MID1: variants seen among roughly 807,000 people sequenced by gnomAD.
The protein encoded by MID1 is E3 ubiquitin-protein ligase Midline-1.
MID1 carries 7 observed loss-of-function variants against 40.4 expected under a neutral mutation model. That is an observed-to-expected ratio of 0.17 (90% CI 0.10 to 0.33). MID1 has a LOEUF of 0.33. MID1 is among the 10% of genes least tolerant of loss of function. The pLI, the probability that MID1 is intolerant of heterozygous loss-of-function variation, is 1.00. For synonymous variants in MID1, 229 were observed against 221.2 expected, an observed-to-expected ratio of 1.04 and a Z score of -0.31; for missense variants, 367 against 558.5, an observed-to-expected ratio of 0.66 and a Z score of 3.46.
intron 1 of MID1, among the ~76,000 whole-genome samples, chrX:10,695,626 C>A (rs2043158200): frequency 8.9e-6 from 1 of 112,139 alleles, no homozygotes; most frequent in Admixed American, 9.5e-5. Flanking sequence ...CCATTTCCCA[C>A]ATGGTGTGGC....
chrX:10,819,947 A>G (rs1205146305), intron 1 of MID1, among the ~76,000 whole-genome samples: 1 of 111,888 alleles, frequency 8.9e-6, no homozygotes, highest in Non-Finnish European at 1.9e-5. Flanking sequence ...TCATTATACC[A>G]TATGCCAATC....
chrX:10,547,224 A>T, intron 2 of MID1, among the ~76,000 whole-genome samples: 1 of 111,042 alleles, frequency 9.0e-6, no homozygotes, highest in South Asian at 3.8e-4. Flanking sequence ...GCAGTGAGCC[A>T]TGATTGCACT....
intron 1 of MID1, among the ~76,000 whole-genome samples, chrX:10,832,049 C>T (rs1420729344): frequency 8.9e-6 from 1 of 112,529 alleles, no homozygotes; most frequent in Non-Finnish European, 1.9e-5. Flanking sequence ...TGTCAAGACT[C>T]ATATTTTTCT....
chrX:10,662,423 G>A (rs1205157133), intron 1 of MID1, among the ~76,000 whole-genome samples: 1 of 110,351 alleles, frequency 9.1e-6, no homozygotes, highest in East Asian at 2.8e-4. Context: ...CATGAGTGAA[G>A]CTGAGATTTA....
At chrX:10,478,385 G>GTT (rs759444734) in intron 5 of MID1, among the ~76,000 whole-genome samples, 2 of 111,953 alleles carry the variant, frequency 1.8e-5, no homozygotes, top group African/African-American at 6.5e-5. Flanking sequence ...CTAGGCTAAT[G>GTT]TTTTTACTAC....
chrX:10,703,971 T>C (rs2043209351), intron 1 of MID1, among the ~76,000 whole-genome samples: 1 of 112,581 alleles, frequency 8.9e-6, no homozygotes, highest in African/African-American at 3.2e-5. Context: ...TTTATCCTAA[T>C]ATAAATATCT....
chrX:10,601,115 G>C (rs1303539296), intron 1 of MID1, among the ~76,000 whole-genome samples: 1 of 112,485 alleles, frequency 8.9e-6, no homozygotes, highest in African/African-American at 3.2e-5. Flanking sequence ...TAAAAAAGTT[G>C]AGTGTTATAA....
intron 1 of MID1, among the ~76,000 whole-genome samples, chrX:10,728,638 C>A (rs1481411871): frequency 8.9e-6 from 1 of 112,034 alleles, no homozygotes; most frequent in Non-Finnish European, 1.9e-5. Flanking sequence ...GGAATGAGAT[C>A]CGTTGGAAAG....
chrX:10,602,622 A>C (rs1318666071), intron 1 of MID1, among the ~76,000 whole-genome samples: 6 of 112,054 alleles, frequency 5.4e-5, no homozygotes, highest in Admixed American at 9.5e-5. Context: ...TTTTTAAAAA[A>C]CCTTTTCACT....
chrX:10,754,605 A>G (rs2043620842), intron 1 of MID1, among the ~76,000 whole-genome samples: 2 of 111,230 alleles, frequency 1.8e-5, no homozygotes, highest in Admixed American at 1.9e-4. Flanking sequence ...ACTGAGATCA[A>G]TTAAGCCTTC....
At chrX:10,806,981 C>T (rs1466016632) in intron 1 of MID1, among the ~76,000 whole-genome samples, 4 of 112,146 alleles carry the variant, frequency 3.6e-5, no homozygotes, top group East Asian at 2.8e-4. Flanking sequence ...CAGTAGCTCA[C>T]GCCTGTAATC....
At chrX:10,474,794 T>C in intron 5 of MID1, 44 bp from the exon 6 acceptor site, 1 of 1,172,240 alleles carries the variant, frequency 8.5e-7, no homozygotes, top group Non-Finnish European at 1.2e-6. Context: ...TCAAGATGAC[T>C]TTCAACATCA....
Position 10,572,153 on chromosome X carries a change from TTCTC to T in MID1, c.-56-4554_-56-4551del, listed in dbSNP as rs202217291. On this transcript the variant is annotated intron_variant, in intron 1 of 9. Transcript: ENST00000317552. ...TTTCTCTCTCCCTTTCTCTCTCTCT[TTCTC>T]TCTCTCTCTCTATATATATATGTAT... 2.4e-3 allele frequency among the ~76,000 whole-genome samples: 204 copies of T among 84,693 alleles called. 1 individual carries two copies. Among genetic ancestry groups the T allele is most frequent in the African/African-American group, 9.3e-3 (192 of 20,563 alleles). The allele number at this position is 84,693 out of a possible 115,157, so 73.5% of individuals were successfully genotyped here. A position where few individuals can be genotyped will look rare whatever the true frequency, so the allele number is the denominator to read the frequency against.
intron 1 of MID1, among the ~76,000 whole-genome samples, chrX:10,650,725 G>T (rs745791857): frequency 8.9e-6 from 1 of 111,777 alleles, no homozygotes; most frequent in African/African-American, 3.3e-5. Context: ...TTGGGATATT[G>T]GGCATTCAGT....
chrX:10,667,903 G>A (rs2042960762), intron 1 of MID1, among the ~76,000 whole-genome samples: 2 of 112,117 alleles, frequency 1.8e-5, no homozygotes, highest in Non-Finnish European at 3.8e-5. Context: ...TTGCAGGAAA[G>A]TAAGCCCCTA....
chrX:10,815,957 G>C (rs1008323254), intron 1 of MID1, among the ~76,000 whole-genome samples: 28 of 111,335 alleles, frequency 2.5e-4, no homozygotes, highest in Admixed American at 1.9e-4. Flanking sequence ...TGCTGCAGAG[G>C]GAGGTCTGTG....
intron 1 of MID1, among the ~76,000 whole-genome samples, chrX:10,762,051 G>A (rs1268418374): frequency 8.9e-6 from 1 of 111,760 alleles, no homozygotes; most frequent in Non-Finnish European, 1.9e-5. Flanking sequence ...TTGCACATCT[G>A]TAAAACAATA....
At chrX:10,499,782 C>T (rs940892455) in intron 3 of MID1, among the ~76,000 whole-genome samples, 1 of 112,197 alleles carries the variant, frequency 8.9e-6, no homozygotes, top group African/African-American at 3.2e-5. Flanking sequence ...TAACATATTC[C>T]ACACTTCAAG....
At chrX:10,538,953 T>C (rs1459827529) in intron 2 of MID1, among the ~76,000 whole-genome samples, 1 of 112,390 alleles carries the variant, frequency 8.9e-6, no homozygotes, top group Non-Finnish European at 1.9e-5. Flanking sequence ...AAGACATCAA[T>C]GCATATTTAA....
Sources: gnomAD v4.1 joint callset for allele counts (sites outside exome capture counted in the v4.1 genomes callset) on GRCh38, gnomAD v4.1.1 for gene constraint, MANE v1.5 for transcripts, NCBI Gene and HGNC (gene_info 2026-07-23, HGNC 2026-07-21) for gene names.